SFMBT2: variants seen among roughly 807,000 people sequenced by gnomAD.
SFMBT2 encodes scm-like with four MBT domains protein 2.
Under a neutral mutation model 110.1 loss-of-function variants are expected in SFMBT2, and 38 were observed. The ratio of observed to expected loss-of-function variants is 0.35; its 90% confidence interval spans 0.27 to 0.45. SFMBT2 has a LOEUF of 0.45. SFMBT2 is among the 20% of genes least tolerant of loss of function. The pLI is 1.00. For synonymous variants in SFMBT2, 425 were observed against 425.4 expected, an observed-to-expected ratio of 1.00 and a Z score of 0.01; for missense variants, 1,011 against 1,094.9, an observed-to-expected ratio of 0.92 and a Z score of 1.08.
chr10:7,355,914 G>A (rs1199963214), intron 4 of SFMBT2, among the ~76,000 whole-genome samples: 1 of 152,194 alleles, frequency 6.6e-6, no homozygotes, highest in African/African-American at 2.4e-5. Flanking sequence ...CAGAACTATT[G>A]CAAAGTGATT....
intron 4 of SFMBT2, among the ~76,000 whole-genome samples, chr10:7,355,429 G>A (rs1490627398): frequency 2.6e-5 from 4 of 152,168 alleles, no homozygotes; most frequent in Admixed American, 6.5e-5. Flanking sequence ...AATGTAAAAA[G>A]TCAACATCGG....
intron 7 of SFMBT2, among the ~76,000 whole-genome samples, chr10:7,250,093 T>G (rs1840753546): frequency 6.6e-6 from 1 of 152,264 alleles, no homozygotes. Flanking sequence ...GTGCATTGTT[T>G]ATGTTGCAAA....
At chr10:7,242,214 T>C (rs1418638879) in intron 9 of SFMBT2, among the ~76,000 whole-genome samples, 2 of 152,212 alleles carry the variant, frequency 1.3e-5, no homozygotes, top group Non-Finnish European at 2.9e-5. Context: ...CTTCGACTCA[T>C]TTTAACTCTG....
chr10:7,258,635 C>T (rs1841105776), intron 7 of SFMBT2, among the ~76,000 whole-genome samples: 2 of 152,316 alleles, frequency 1.3e-5, no homozygotes, highest in South Asian at 4.1e-4. Flanking sequence ...ATGAGCTACG[C>T]TTTAATTCCT....
chr10:7,226,184 T>C (rs185183128), intron 10 of SFMBT2, among the ~76,000 whole-genome samples: 101 of 152,356 alleles, frequency 6.6e-4, no homozygotes, highest in Non-Finnish European at 1.3e-3. Flanking sequence ...CCCCGGATCA[T>C]GCAGGTGCCA....
intron 1 of SFMBT2, among the ~76,000 whole-genome samples, chr10:7,397,158 A>G (rs534646539): frequency 1.3e-5 from 2 of 152,364 alleles, no homozygotes; most frequent in Admixed American, 6.5e-5. Context: ...CATAAGCATT[A>G]GAAATCATTC....
At chr10:7,314,321 T>C (rs932560802) in intron 4 of SFMBT2, among the ~76,000 whole-genome samples, 25 of 152,366 alleles carry the variant, frequency 1.6e-4, no homozygotes, top group African/African-American at 6.0e-4. Context: ...TCTGCTAACT[T>C]ATTTACAAGT....
At chr10:7,344,095 T>G (rs1844022491) in intron 4 of SFMBT2, among the ~76,000 whole-genome samples, 1 of 152,364 alleles carries the variant, frequency 6.6e-6, no homozygotes, top group African/African-American at 2.4e-5. Flanking sequence ...CCTGGTTTAA[T>G]CTCTTGTCCT....
intron 4 of SFMBT2, among the ~76,000 whole-genome samples, chr10:7,341,696 T>C (rs1843909529): frequency 6.6e-6 from 1 of 152,312 alleles, no homozygotes; most frequent in East Asian, 1.9e-4. Flanking sequence ...TACAGACACA[T>C]ACTAAAATAT....
intron 4 of SFMBT2, among the ~76,000 whole-genome samples, chr10:7,361,200 A>G (rs997149210): frequency 5.9e-5 from 9 of 152,228 alleles, no homozygotes; most frequent in Admixed American, 5.2e-4. Flanking sequence ...TTATTGATAA[A>G]CAAATGGAAC....
rs202087576 is a variant in SFMBT2 at position 7,312,750 on chromosome 10, AC to A, written c.437-26797del. Among the ~76,000 whole-genome samples the A allele has an allele frequency of 7.5e-3, 1,136 of 152,148 alleles. 8 individuals carry two copies. Among genetic ancestry groups the A allele is most frequent in the Non-Finnish European group, 0.012 (828 of 68,016 alleles). On this transcript the variant is annotated intron_variant, in intron 4 of 20. Transcript: ENST00000397167. The stretch of plus-strand genomic sequence containing the variant: ...AGCGAATCACAATGGTGTTTACTGA[AC>A]CCCCCAGAATAGAAAGTCATGCTGG...
At chr10:7,296,446 T>TCC (rs147727819) in intron 4 of SFMBT2, among the ~76,000 whole-genome samples, 1,613 of 152,356 alleles carry the variant, frequency 0.011, 25 homozygotes, top group African/African-American at 0.037. Flanking sequence ...GATTTTATTC[T>TCC]CCTAGGTCTC....
Position 7,360,324 on chromosome 10 carries a change from A to G in SFMBT2, c.436+7325T>C, listed in dbSNP as rs112158847. 3.0e-3 allele frequency among the ~76,000 whole-genome samples: 449 copies of G among 152,196 alleles called. 3 individuals are homozygous for G. The highest frequency in any genetic ancestry group is 0.011 in the African/African-American group (438 of 41,520). Reference sequence around the variant, plus strand: ...TCTCTACGAAAATACAAAATTAGCTAGGCATGGTGGTGCGTGCCTGTAGTT... The same window carrying G: ...TCTCTACGAAAATACAAAATTAGCTGGGCATGGTGGTGCGTGCCTGTAGTT... On this transcript the variant is annotated intron_variant, in intron 4 of 20. Coordinates refer to ENST00000397167, the MANE Select transcript of SFMBT2 (RefSeq NM_001387889.1).
chr10:7,369,390 A>C (rs542749705), intron 3 of SFMBT2, among the ~76,000 whole-genome samples: 9 of 152,236 alleles, frequency 5.9e-5, no homozygotes, highest in Non-Finnish European at 1.0e-4. Context: ...AACTTCTTAG[A>C]ACCCAGGTGA....
At chr10:7,276,139 C>T (rs910559429) in intron 7 of SFMBT2, among the ~76,000 whole-genome samples, 1 of 152,172 alleles carries the variant, frequency 6.6e-6, no homozygotes, top group Non-Finnish European at 1.5e-5. Flanking sequence ...AACTTGGTAG[C>T]CGTTTTGGTG....
intron 12 of SFMBT2, chr10:7,205,298 C>T (rs909886443): frequency 3.7e-6 from 2 of 541,680 alleles, no homozygotes; most frequent in African/African-American, 4.1e-5. Context: ...CACTATGTTG[C>T]CCAGGCTGGT....
At chr10:7,164,481 A>G in intron 20 of SFMBT2, 2 of 981,948 alleles carry the variant, frequency 2.0e-6, no homozygotes, top group Non-Finnish European at 1.2e-6. Flanking sequence ...GTGGGTAGAA[A>G]GAGCTGGAAC....
intron 9 of SFMBT2, 72 bp downstream of exon 9, chr10:7,243,486 A>C: frequency 1.2e-6 from 1 of 836,072 alleles, no homozygotes; most frequent in Non-Finnish European, 2.1e-6. Context: ...AGATTAATGC[A>C]GGTGTTACTT....
At position 7,220,360 on chromosome 10, in the gene SFMBT2, C is replaced by T. The variant is rs369641584; in HGVS notation, c.1330+51G>A. ...TGCTTTCCTCCACACGTTGCCATTT[C>T]GACAAACTCTACATTCCCCCCAGCG... On this transcript the variant is annotated intron_variant, in intron 11 of 20. Coordinates refer to ENST00000397167, the MANE Select transcript of SFMBT2 (RefSeq NM_001387889.1). 43 of 1,568,216 alleles carry T rather than the reference C, an allele frequency of 2.7e-5. 1 individual carries two copies. Among genetic ancestry groups the T allele is most frequent in the Admixed American group, 5.2e-5 (3 of 57,460 alleles).
Sources: allele counts gnomAD v4.1 joint callset (sites outside exome capture counted in the v4.1 genomes callset), GRCh38; gene constraint gnomAD v4.1.1; transcripts MANE v1.5; gene names NCBI Gene and HGNC (gene_info 2026-07-23, HGNC 2026-07-21).